Variants in ERICH3 observed in about 807,000 individuals in gnomAD.
ERICH3 encodes glutamate-rich protein 3.
In ERICH3, 126 loss-of-function variants were observed where a neutral mutation model predicts 131.1. The observed-to-expected ratio is 0.96, with a 90% CI of 0.83 to 1.11. ERICH3 has a LOEUF of 1.11. ERICH3 is among the 50% of genes most tolerant of loss of function. The pLI is 0.00. For synonymous variants in ERICH3, 695 were observed against 644.6 expected (o/e 1.08, Z -1.18); for missense variants, 2,050 against 1,810.7 (o/e 1.13, Z -2.40).
At chr1:74,636,011 G>A (rs896792707) in intron 6 of ERICH3, among the ~76,000 whole-genome samples, 2 of 152,082 alleles carry the variant, frequency 1.3e-5, no homozygotes, top group Non-Finnish European at 2.9e-5. Context: ...TTTCCCCTTT[G>A]TTTTTCAATC....
At chr1:74,605,599 C>T (rs1162808992) in intron 10 of ERICH3, among the ~76,000 whole-genome samples, 1 of 151,370 alleles carries the variant, frequency 6.6e-6, no homozygotes, top group Non-Finnish European at 1.5e-5. Context: ...AATTTCAATA[C>T]TGTTGTGGGT....
chr1:74,642,901 C>A, intron 4 of ERICH3, 126 bp downstream of exon 4: 1 of 658,462 alleles, frequency 1.5e-6, no homozygotes, highest in Middle Eastern at 4.3e-4. Flanking sequence ...GGTGAACCAT[C>A]ATTGACTTCA....
intron 12 of ERICH3, among the ~76,000 whole-genome samples, chr1:74,584,381 G>C (rs370669064): frequency 1.3e-5 from 2 of 152,116 alleles, no homozygotes; most frequent in East Asian, 3.9e-4. Flanking sequence ...CATGACCTAT[G>C]AGCTTCCTCC....
At chr1:74,654,952 T>C (rs1398658680) in intron 1 of ERICH3, among the ~76,000 whole-genome samples, 1 of 152,062 alleles carries the variant, frequency 6.6e-6, no homozygotes, top group African/African-American at 2.4e-5. Context: ...AATGGTGAAA[T>C]ATTCACAGAG....
At chr1:74,627,491 G>C (rs1452888206) in intron 7 of ERICH3, among the ~76,000 whole-genome samples, 1 of 151,930 alleles carries the variant, frequency 6.6e-6, no homozygotes, top group Non-Finnish European at 1.5e-5. Flanking sequence ...ACTAAACAAA[G>C]TAAATATACT....
intron 1 of ERICH3, among the ~76,000 whole-genome samples, chr1:74,649,659 T>C (rs17095703): frequency 0.036 from 5,455 of 152,200 alleles, 316 homozygotes; most frequent in African/African-American, 0.12. Flanking sequence ...GGCTTCACAT[T>C]GGAGGCCTGA....
At chr1:74,637,650 C>T (rs759018505) in intron 5 of ERICH3, among the ~76,000 whole-genome samples, 10 of 151,984 alleles carry the variant, frequency 6.6e-5, no homozygotes, top group African/African-American at 9.7e-5. Context: ...CTGAGTGCAG[C>T]GGCTCACACC....
rs754818068 is a variant in ERICH3 at position 74,576,942 on chromosome 1, T to TAA, written c.2177-8_2177-7dup. 390 of 1,372,428 alleles carry TAA rather than the reference T, an allele frequency of 2.8e-4. No homozygotes were observed. The highest frequency in any genetic ancestry group is 4.4e-4 in the South Asian group (34 of 76,530). 85.0% of individuals were successfully genotyped at this position (1,372,428 alleles called of 1,614,324 possible). ...TAATGGCAATGAATCCTTTCCTAGT[T>TAA]AAAAAAAAAAAAAAGAAAAAAAAGG... On this transcript the variant is annotated splice_polypyrimidine_tract_variant and splice_region_variant and intron_variant, in intron 12 of 14. Transcript: ENST00000326665.
intron 13 of ERICH3, 35 bp downstream of exon 13, chr1:74,576,860 A>C: frequency 6.4e-7 from 1 of 1,562,042 alleles, no homozygotes; most frequent in Non-Finnish European, 8.7e-7. Context: ...CTGTTGGATC[A>C]CTCTAATTGG....
At chr1:74,585,302 A>G (rs1449527626) in intron 12 of ERICH3, among the ~76,000 whole-genome samples, 1 of 152,182 alleles carries the variant, frequency 6.6e-6, no homozygotes, top group African/African-American at 2.4e-5. Flanking sequence ...GTCTGATTGC[A>G]GCTAGCAATT....
At chr1:74,617,975 G>A (rs994720715) in intron 8 of ERICH3, among the ~76,000 whole-genome samples, 2 of 152,110 alleles carry the variant, frequency 1.3e-5, no homozygotes, top group Admixed American at 1.3e-4. Flanking sequence ...CAGGGAGATT[G>A]CTGGAGTCCA....
intron 6 of ERICH3, chr1:74,634,745 G>A (rs1244883263): frequency 4.4e-6 from 3 of 687,766 alleles, no homozygotes; most frequent in Admixed American, 4.7e-5. Context: ...AGTATTTCTA[G>A]TCCTAATGGC....
Position 74,579,903 on chromosome 1 carries a change from A to G in ERICH3, c.2177-2967T>C, listed in dbSNP as rs948487921. ...AATTGTCACACACAGAAAATTTCTT[A>G]GAAAGTCAGCTTTTTTTTTTTCACT... On this transcript the variant is annotated intron_variant, in intron 12 of 14. Coordinates refer to ENST00000326665, the MANE Select transcript of ERICH3 (RefSeq NM_001002912.5). 5.3e-5 allele frequency: 52 copies of G among 983,904 alleles called. 2 individuals carry two copies. In the Admixed American group the frequency reaches 9.9e-4, roughly 19 times the overall value. 60.9% of individuals were successfully genotyped at this position (983,904 alleles called of 1,614,324 possible). A position where few individuals can be genotyped will look rare whatever the true frequency, so the allele number is the denominator to read the frequency against.
intron 10 of ERICH3, among the ~76,000 whole-genome samples, chr1:74,603,156 C>T (rs1381281556): frequency 6.6e-6 from 1 of 151,820 alleles, no homozygotes; most frequent in Non-Finnish European, 1.5e-5. Flanking sequence ...GGTTATTGTG[C>T]CCCCTATCCA....
At chr1:74,653,704 T>C (rs1646558460) in intron 1 of ERICH3, among the ~76,000 whole-genome samples, 1 of 152,160 alleles carries the variant, frequency 6.6e-6, no homozygotes, top group African/African-American at 2.4e-5. Context: ...AGATTATTGC[T>C]TAATGTGAGT....
At chr1:74,603,999 T>C (rs1420282007) in intron 10 of ERICH3, among the ~76,000 whole-genome samples, 4 of 151,972 alleles carry the variant, frequency 2.6e-5, no homozygotes, top group Non-Finnish European at 5.9e-5. Context: ...TAGCATGCAA[T>C]GCTGTTTAAC....
At chr1:74,633,053 A>G (rs974185446) in intron 6 of ERICH3, among the ~76,000 whole-genome samples, 1 of 151,870 alleles carries the variant, frequency 6.6e-6, no homozygotes, top group South Asian at 2.1e-4. Flanking sequence ...TCTACAATAT[A>G]AATTTATATT....
intron 10 of ERICH3, among the ~76,000 whole-genome samples, chr1:74,601,745 G>T (rs896286659): frequency 5.3e-5 from 8 of 151,834 alleles, no homozygotes; most frequent in Non-Finnish European, 1.0e-4. Flanking sequence ...TCCATCCATA[G>T]TGTTACATAG....
intron 12 of ERICH3, among the ~76,000 whole-genome samples, chr1:74,585,289 ACTGT>A (rs1433438616): frequency 6.6e-6 from 1 of 152,200 alleles, no homozygotes; most frequent in African/African-American, 2.4e-5. Flanking sequence ...ACCCAAGAAC[ACTGT>A]CTGATTGCAG....
Sources: gnomAD v4.1 joint callset for allele counts (sites outside exome capture counted in the v4.1 genomes callset) on GRCh38, gnomAD v4.1.1 for gene constraint, MANE v1.5 for transcripts, NCBI Gene and HGNC (gene_info 2026-07-23, HGNC 2026-07-21) for gene names.